HTT: variants seen among roughly 807,000 people sequenced by gnomAD.
The protein encoded by HTT is huntington disease protein.
HTT carries 104 observed loss-of-function variants against 362.3 expected under a neutral mutation model. The observed-to-expected ratio is 0.29, with a 90% CI of 0.24 to 0.34. The LOEUF is 0.34. Ranked by LOEUF, HTT falls within the 10% of genes least tolerant of loss-of-function variation. HTT has a pLI of 1.00. For synonymous variants in HTT, 1,577 were observed against 1,548.7 expected (o/e 1.02, Z -0.43); for missense variants, 3,301 against 3,928.6 (o/e 0.84, Z 4.27).
intron 27 of HTT, among the ~76,000 whole-genome samples, chr4:3,155,736 A>G (rs1416388296): frequency 2.0e-5 from 3 of 147,238 alleles, no homozygotes; most frequent in South Asian, 2.1e-4. Flanking sequence ...CACAAAAAAA[A>G]AAAAAAAAAA....
Position 3,172,997 on chromosome 4 carries a change from C to T in HTT, c.4032C>T (p.Arg1344=), listed in dbSNP as rs1560579107. ...GCAAGTCACAAGGCCGAGCACAGCG[C>T]CTTGGCTCCTCCAGTGTGAGGCCAG... ...NPSKSQGRAQ[R]LGSSSVRPGL... is the part of the protein sequence containing the mutation. The change falls in exon 31 of 67, where the codon CGC becomes CGT. Residue 1344 remains arginine (R), a synonymous_variant. Coordinates refer to ENST00000355072, the MANE Select transcript of HTT (RefSeq NM_001388492.1). 3 of 1,614,090 alleles carry T rather than the reference C, an allele frequency of 1.9e-6. No homozygotes were observed. The highest frequency in any genetic ancestry group is 2.5e-6 in the Non-Finnish European group (3 of 1,180,050).
intron 9 of HTT, among the ~76,000 whole-genome samples, chr4:3,122,473 C>G (rs569086172): frequency 1.1e-4 from 17 of 152,310 alleles, no homozygotes; most frequent in Admixed American, 1.1e-3. Context: ...GAACCATGAG[C>G]AGGAAATGTT....
chr4:3,219,190 G>A (rs538759404), intron 52 of HTT, among the ~76,000 whole-genome samples: 23 of 152,246 alleles, frequency 1.5e-4, no homozygotes, highest in Admixed American at 4.6e-4. Context: ...GCTGCATGGG[G>A]TTGCTCTCGG....
In HTT at chr4:3,242,140, G is replaced by A. The variant is rs1285875059; in HGVS notation, c.*2081G>A. 1 of 152,070 alleles carries A rather than the reference G, an allele frequency of 6.6e-6. No homozygotes were observed. The highest frequency in any genetic ancestry group is 1.5e-5 in the Non-Finnish European group (1 of 68,012). 9.4% of individuals were successfully genotyped at this position (152,070 alleles called of 1,614,324 possible). On this transcript the variant is annotated 3_prime_UTR_variant, in exon 67 of 67. Coordinates refer to ENST00000355072, the MANE Select transcript of HTT (RefSeq NM_001388492.1). ...GGCCAGATGTTGTTCCTGGCTAGAT[G>A]TTTACATTTGTAAGAAATAACACTG...
chr4:3,243,499 G>A lies in HTT; in HGVS notation c.*3440G>A, dbSNP rs1411354306. On this transcript the variant is annotated 3_prime_UTR_variant, in exon 67 of 67. Transcript: ENST00000355072. Reference sequence around the variant, plus strand: ...CTCGCTTGCCGGGCCTGGGCCTCCTGGGAAGGAGGGAGCTGCTCAGAATGC... The same window carrying A: ...CTCGCTTGCCGGGCCTGGGCCTCCTAGGAAGGAGGGAGCTGCTCAGAATGC... The A allele has an allele frequency of 6.6e-6, 1 of 152,328 alleles. No individual in the cohort carries two copies. The highest frequency in any genetic ancestry group is 2.4e-5 in the African/African-American group (1 of 41,450). The allele number at this position is 152,328 out of a possible 1,614,324, so 9.4% of individuals were successfully genotyped here.
chr4:3,216,580 G>T (rs900176514), intron 51 of HTT, among the ~76,000 whole-genome samples: 1 of 152,200 alleles, frequency 6.6e-6, no homozygotes, highest in Non-Finnish European at 1.5e-5. Flanking sequence ...ACATCTTGGC[G>T]GTTTGAGTTA....
At chr4:3,152,690 C>T (rs1716956855) in intron 26 of HTT, among the ~76,000 whole-genome samples, 1 of 151,850 alleles carries the variant, frequency 6.6e-6, no homozygotes. Flanking sequence ...AGTGTAGCAG[C>T]CTCTCTGTTT....
At chr4:3,087,576 A>G (rs564671335) in intron 2 of HTT, among the ~76,000 whole-genome samples, 116 of 152,266 alleles carry the variant, frequency 7.6e-4, no homozygotes, top group Non-Finnish European at 1.2e-3. Flanking sequence ...GCTTTTGACT[A>G]TCTTTCTGAC....
chr4:3,220,793 T>C (rs1319649724), intron 53 of HTT, among the ~76,000 whole-genome samples: 2 of 152,148 alleles, frequency 1.3e-5, no homozygotes, highest in East Asian at 1.9e-4. Flanking sequence ...GAAAGCAGGC[T>C]TGGGGCTCAG....
chr4:3,100,534 T>G (rs1331800168), intron 3 of HTT, among the ~76,000 whole-genome samples: 1 of 152,204 alleles, frequency 6.6e-6, no homozygotes, highest in Non-Finnish European at 1.5e-5. Context: ...CTGTCTTCTC[T>G]CTCCGCTTGC....
At chr4:3,196,088 G>A (rs1265860165) in intron 40 of HTT, among the ~76,000 whole-genome samples, 3 of 152,310 alleles carry the variant, frequency 2.0e-5, no homozygotes, top group Middle Eastern at 3.4e-3. Context: ...GGGACCAGGC[G>A]GGTGTCACCA....
In HTT at chr4:3,218,330, T is replaced by C. The variant is rs956296908; in HGVS notation, c.7242+378T>C. On this transcript the variant is annotated intron_variant, in intron 52 of 66. Coordinates refer to ENST00000355072, the MANE Select transcript of HTT (RefSeq NM_001388492.1). The surrounding 1 kb of genome is among the most constrained non-coding windows in gnomAD (Gnocchi z 4.4). ...CACAGTTTTGCAGTTGTCTTCAGAATTGGTTTAAAGTAGGTGTTATTGCCA... is the reference window on the plus strand; with the variant it reads ...CACAGTTTTGCAGTTGTCTTCAGAACTGGTTTAAAGTAGGTGTTATTGCCA... Among the ~76,000 whole-genome samples the C allele has an allele frequency of 1.8e-4, 28 of 152,282 alleles. No individual in the cohort carries two copies. The highest frequency in any genetic ancestry group is 5.2e-4 in the Admixed American group (8 of 15,294).
At chr4:3,173,305 C>G (rs1377384003) in intron 31 of HTT, 174 bp downstream of exon 31, 1 of 614,610 alleles carries the variant, frequency 1.6e-6, no homozygotes, top group Non-Finnish European at 2.9e-6. Context: ...TAAGGCATAG[C>G]CCGGCCTTCC....
chr4:3,124,276 GA>G (rs1715422996), intron 10 of HTT, among the ~76,000 whole-genome samples: 1 of 152,186 alleles, frequency 6.6e-6, no homozygotes. Flanking sequence ...CGGTGAGAAC[GA>G]AGATGACTGA....
intron 36 of HTT, among the ~76,000 whole-genome samples, chr4:3,181,891 G>T (rs1301519036): frequency 6.6e-6 from 1 of 152,152 alleles, no homozygotes; most frequent in Non-Finnish European, 1.5e-5. Flanking sequence ...GCTCAACCAT[G>T]TATACCTCTG....
chr4:3,075,650 G>GGA (rs1712493630), intron 1 of HTT, among the ~76,000 whole-genome samples: 1 of 143,384 alleles, frequency 7.0e-6, no homozygotes, highest in Non-Finnish European at 1.5e-5. Context: ...GGCGGGGCAG[G>GGA]GGGGGGGCGG....
At chr4:3,198,521 G>A (rs757720516) in intron 40 of HTT, among the ~76,000 whole-genome samples, 2 of 152,098 alleles carry the variant, frequency 1.3e-5, no homozygotes, top group African/African-American at 4.8e-5. Context: ...CACCACACCC[G>A]GCCTGAAATT....
Position 3,228,884 on chromosome 4 carries a change from C to T in HTT, c.7984C>T (p.His2662Tyr), listed in dbSNP as rs1012574284. 2.5e-6 allele frequency: 4 copies of T among 1,612,682 alleles called. No homozygotes were observed. The East Asian group carries it at 8.9e-5, about 36-fold the overall frequency. Reference protein sequence around the residue: ...PPTSPVNSRKHRAGVDIHSCS... With the variant: ...PPTSPVNSRKYRAGVDIHSCS... ...CCCATCTCGCATATTCCACAGGAAACACCGGGCTGGAGTTGACATCCACTC... is the reference window on the plus strand; with the variant it reads ...CCCATCTCGCATATTCCACAGGAAATACCGGGCTGGAGTTGACATCCACTC... The change falls in exon 59 of 67, where the codon CAC becomes TAC. Residue 2662 changes from histidine to tyrosine, a missense_variant. This residue lies in a region of HTT where 753 missense variants were observed against 1,021.3 expected (regional missense o/e 0.74). Coordinates refer to ENST00000355072, the MANE Select transcript of HTT (RefSeq NM_001388492.1). The surrounding 1 kb of genome is among the most constrained non-coding windows in gnomAD (Gnocchi z 4.3).
chr4:3,134,581 A>G (rs1715973923), intron 19 of HTT, 41 bp downstream of exon 19: 4 of 1,564,600 alleles, frequency 2.6e-6, no homozygotes, highest in Middle Eastern at 3.4e-4. Flanking sequence ...AACTAAGCTC[A>G]ATTGAAAGTT....
Sources: gnomAD v4.1 joint callset for allele counts (sites outside exome capture counted in the v4.1 genomes callset) on GRCh38, gnomAD v4.1.1 for gene constraint, gnomAD v4.1.1 regional missense constraint, Gnocchi (gnomAD v3.1) non-coding constraint, MANE v1.5 for transcripts, NCBI Gene and HGNC (gene_info 2026-07-23, HGNC 2026-07-21) for gene names.